Variants in SPOCK3 observed in about 807,000 individuals in gnomAD.
SPOCK3 encodes the protein SPARC (osteonectin), cwcv and kazal like domains proteoglycan 3, also known as testican-3.
SPOCK3 carries 30 observed loss-of-function variants against 56.6 expected under a neutral mutation model. That is an observed-to-expected ratio of 0.53 (90% CI 0.40 to 0.72). The LOEUF is 0.72. SPOCK3 is among the 30% of genes least tolerant of loss of function. The pLI is 0.00. For missense variants in SPOCK3, 527 were observed against 530.0 expected, an observed-to-expected ratio of 0.99 and a Z score of 0.06; for synonymous variants, 196 against 183.3, an observed-to-expected ratio of 1.07 and a Z score of -0.56.
intron 4 of SPOCK3, among the ~76,000 whole-genome samples, chr4:166,946,993 A>G (rs1167527629): frequency 8.5e-5 from 13 of 152,206 alleles, no homozygotes; most frequent in Non-Finnish European, 2.9e-5. Context: ...TAAGTTAACT[A>G]TACCAGGTTT....
intron 4 of SPOCK3, among the ~76,000 whole-genome samples, chr4:166,993,944 T>C (rs1748082222): frequency 1.3e-5 from 2 of 152,202 alleles, no homozygotes; most frequent in Admixed American, 1.3e-4. Flanking sequence ...ATCAACTCTA[T>C]GTTTTAAACA....
intron 5 of SPOCK3, among the ~76,000 whole-genome samples, chr4:166,908,864 A>G (rs774566482): frequency 1.1e-4 from 16 of 152,018 alleles, no homozygotes; most frequent in Non-Finnish European, 1.9e-4. Context: ...ATCAAAATAG[A>G]CTTTGCCTGA....
chr4:167,195,273 G>C (rs1663818068), intron 2 of SPOCK3, among the ~76,000 whole-genome samples: 1 of 152,176 alleles, frequency 6.6e-6, no homozygotes, highest in Non-Finnish European at 1.5e-5. Flanking sequence ...TCTCTCTTTG[G>C]GTTACCCCTT....
chr4:166,741,878 T>C, intron 9 of SPOCK3, 119 bp downstream of exon 9: 5 of 715,674 alleles, frequency 7.0e-6, no homozygotes, highest in Non-Finnish European at 1.2e-5. Context: ...TTCATAAATT[T>C]TGTTGCTGAA....
At chr4:167,125,855 A>G (rs1483432661) in intron 2 of SPOCK3, among the ~76,000 whole-genome samples, 2 of 152,212 alleles carry the variant, frequency 1.3e-5, no homozygotes, top group Non-Finnish European at 2.9e-5. Flanking sequence ...CACCTTCAAC[A>G]TCTTGGCTTC....
Position 166,792,334 on chromosome 4 carries a change from T to C in SPOCK3, c.590-45A>G, listed in dbSNP as rs201610549. On this transcript the variant is annotated intron_variant, in intron 6 of 10. Coordinates refer to ENST00000357545, the MANE Select transcript of SPOCK3 (RefSeq NM_001040159.2). ...ACAAGTCTTGAATAATATCTTAGTA[T>C]AATGTTAGTGCTATTTCTCTCATTA... 1.3e-4 allele frequency: 216 copies of C among 1,604,558 alleles called. 3 individuals carry two copies. The highest frequency in any genetic ancestry group is 2.7e-4 in the Admixed American group (16 of 59,718).
At chr4:166,919,801 A>G (rs1259601817) in intron 4 of SPOCK3, among the ~76,000 whole-genome samples, 1 of 152,214 alleles carries the variant, frequency 6.6e-6, no homozygotes, top group Non-Finnish European at 1.5e-5. Flanking sequence ...TGTGTGACAA[A>G]TTAATTACCT....
At chr4:166,939,938 T>C (rs1014021622) in intron 4 of SPOCK3, among the ~76,000 whole-genome samples, 3 of 152,338 alleles carry the variant, frequency 2.0e-5, no homozygotes, top group Admixed American at 6.5e-5. Flanking sequence ...ATTCTTTAGT[T>C]GAGTTACTTT....
intron 4 of SPOCK3, among the ~76,000 whole-genome samples, chr4:166,936,024 T>C (rs1740362487): frequency 6.6e-6 from 1 of 152,196 alleles, no homozygotes; most frequent in Non-Finnish European, 1.5e-5. Flanking sequence ...TCATAAGACA[T>C]TTAATCATGA....
At chr4:166,780,380 G>A (rs1251739221) in intron 7 of SPOCK3, among the ~76,000 whole-genome samples, 3 of 152,088 alleles carry the variant, frequency 2.0e-5, no homozygotes, top group Non-Finnish European at 4.4e-5. Context: ...AACATTGACA[G>A]ACATGACTCC....
chr4:167,023,406 C>T (rs895310827), intron 3 of SPOCK3, among the ~76,000 whole-genome samples: 2 of 151,562 alleles, frequency 1.3e-5, no homozygotes, highest in African/African-American at 4.8e-5. Flanking sequence ...AATAAAGATA[C>T]TATAATTATA....
At chr4:166,863,584 T>G (rs1045984553) in intron 6 of SPOCK3, among the ~76,000 whole-genome samples, 1 of 151,642 alleles carries the variant, frequency 6.6e-6, no homozygotes, top group African/African-American at 2.4e-5. Context: ...AATAAAGTGA[T>G]GGAGGAATAT....
intron 8 of SPOCK3, 24 bp from the exon 9 acceptor site, chr4:166,742,083 C>T (rs1189241894): frequency 1.3e-6 from 2 of 1,561,830 alleles, no homozygotes. Flanking sequence ...AAAAATGTTA[C>T]TTCAAGGATT....
At chr4:166,749,061 T>C (rs2126457164) in intron 8 of SPOCK3, among the ~76,000 whole-genome samples, 1 of 137,450 alleles carries the variant, frequency 7.3e-6, no homozygotes, top group Middle Eastern at 3.4e-3. Context: ...AGTTCAACCA[T>C]TGTGGAAGGC....
intron 2 of SPOCK3, among the ~76,000 whole-genome samples, chr4:167,141,364 C>T (rs1029205346): frequency 2.6e-5 from 4 of 152,056 alleles, no homozygotes; most frequent in Non-Finnish European, 4.4e-5. Flanking sequence ...TGTTCCACAA[C>T]ACCACATTTC....
At position 167,159,837 on chromosome 4, in the gene SPOCK3, A is replaced by G. The variant is rs532695422; in HGVS notation, c.189+74148T>C. Among the ~76,000 whole-genome samples the G allele has an allele frequency of 3.2e-3, 480 of 152,332 alleles. 3 individuals carry two copies. Among genetic ancestry groups the G allele is most frequent in the African/African-American group, 0.011 (461 of 41,590 alleles). ...CAGAAAAGGCCTTCAATAAAATTCA[A>G]CATCCCTTCATGCTAAAAACTCTCA... On this transcript the variant is annotated intron_variant, in intron 2 of 10. Coordinates refer to ENST00000357545, the MANE Select transcript of SPOCK3 (RefSeq NM_001040159.2).
intron 2 of SPOCK3, among the ~76,000 whole-genome samples, chr4:167,116,618 TATATAC>T (rs1289248650): frequency 3.0e-4 from 39 of 131,678 alleles, no homozygotes; most frequent in South Asian, 9.0e-4. Flanking sequence ...TATACGTATA[TATATAC>T]ATATATACTA....
intron 2 of SPOCK3, among the ~76,000 whole-genome samples, chr4:167,098,146 C>T (rs1279935835): frequency 7.2e-5 from 11 of 151,936 alleles, no homozygotes; most frequent in Non-Finnish European, 2.9e-5. Context: ...AAGGTCTTTT[C>T]TACTGGAAAC....
At chr4:167,065,081 A>T (rs1756003122) in intron 2 of SPOCK3, among the ~76,000 whole-genome samples, 1 of 145,018 alleles carries the variant, frequency 6.9e-6, no homozygotes, top group East Asian at 2.0e-4. Flanking sequence ...GCAAATTTTT[A>T]AATACCTACA....
Sources: gnomAD v4.1 joint callset for allele counts (sites outside exome capture counted in the v4.1 genomes callset) on GRCh38, gnomAD v4.1.1 for gene constraint, MANE v1.5 for transcripts, NCBI Gene and HGNC (gene_info 2026-07-23, HGNC 2026-07-21) for gene names.